Variants in PPP2R3B observed in about 807,000 individuals in gnomAD.
The protein encoded by PPP2R3B is serine/threonine-protein phosphatase 2A regulatory subunit B'' subunit beta.
A neutral mutation model predicts 72.9 loss-of-function variants in PPP2R3B; 68 were observed. The observed-to-expected ratio is 0.93, with a 90% confidence interval of 0.77 to 1.14. The LOEUF (loss-of-function observed/expected upper bound fraction) is 1.14. Ranked by LOEUF, PPP2R3B falls within the 50% of genes most tolerant of loss-of-function variation. The probability of loss-of-function intolerance (pLI) is 0.00; values close to 1 mark genes in which losing one functional copy is unlikely to be tolerated. For synonymous variants in PPP2R3B, 466 were observed against 375.8 expected (o/e 1.24, Z -2.78); for missense variants, 1,018 against 842.0 (o/e 1.21, Z -2.59).
At position 376,458 on chromosome X, in the gene PPP2R3B, G is replaced by A. The variant is rs778281115; in HGVS notation, c.324+9910C>T. Among the ~76,000 whole-genome samples, 13 of 152,084 alleles carry A rather than the reference G, an allele frequency of 8.5e-5. No individual in the cohort carries two copies. In the East Asian group the frequency reaches 2.3e-3, roughly 27 times the overall value. On this transcript the variant is annotated intron_variant, in intron 1 of 12. Coordinates refer to ENST00000390665, the MANE Select transcript of PPP2R3B (RefSeq NM_013239.5). Reference sequence around the variant, plus strand: ...AGCCCCCATGGGGCCATCCACTACCGTGTACAGGGACGGGCCGTCCACAGT... The same window carrying A: ...AGCCCCCATGGGGCCATCCACTACCATGTACAGGGACGGGCCGTCCACAGT...
rs969857225 is a variant in PPP2R3B, at chrX:340,914, T to C, written c.1202A>G (p.Asp401Gly). Reference sequence around the variant, plus strand: ...GGACAGGGCGCCGTCCCCGTCCAGGTCCATGCAGCGGAACCAGTACTCGAT... The same window carrying C: ...GGACAGGGCGCCGTCCCCGTCCAGGCCCATGCAGCGGAACCAGTACTCGAT... The part of the protein sequence containing the change: ...TSIEYWFRCM[D>G]LDGDGALSMF... Residue 401 changes from aspartate (D) to glycine (G), a missense_variant, in exon 10 of 13, where the codon GAC (aspartate) becomes GGC (glycine). Asp to Gly is a moderately conservative substitution (Grantham distance 94). Transcript: ENST00000390665. 4 of 1,611,424 alleles carry C rather than the reference T, an allele frequency of 2.5e-6. No homozygotes were observed. The African/African-American group carries it at 5.3e-5, about 22-fold the overall frequency.
chrX:370,147 C>T (rs1385552985), intron 1 of PPP2R3B, among the ~76,000 whole-genome samples: 1 of 152,186 alleles, frequency 6.6e-6, no homozygotes, highest in Non-Finnish European at 1.5e-5. Context: ...TCGGTGTTTA[C>T]ACAGAGGAGC....
chrX:361,314 T>C (rs1432309481), intron 2 of PPP2R3B, 91 bp downstream of exon 2: 1 of 1,440,724 alleles, frequency 6.9e-7, no homozygotes, highest in African/African-American at 1.4e-5. Flanking sequence ...CTCACGCTCG[T>C]GTGACACGCA....
rs757996639 is a variant in PPP2R3B at position 357,621 on chromosome X, C to T, written c.510+3784G>A. ...GTAAATCGTACAAGACAAGGAAAAG[C>T]TTTAGAGCAAGAAATTTCTAAGTTA... On this transcript the variant is annotated intron_variant, in intron 2 of 12. Coordinates refer to ENST00000390665, the MANE Select transcript of PPP2R3B (RefSeq NM_013239.5). 8.5e-5 allele frequency among the ~76,000 whole-genome samples: 13 copies of T among 152,218 alleles called. No homozygotes were observed. The South Asian group carries it at 2.7e-3, about 32-fold the overall frequency.
intron 7 of PPP2R3B, among the ~76,000 whole-genome samples, chrX:344,239 CCGGAGTGAGACCTCACCAAGGAG>C: frequency 9.6e-6 from 1 of 104,330 alleles, no homozygotes; most frequent in East Asian, 3.0e-4. Flanking sequence ...CAACGGGAGG[CCGGAGTGAGACCTCACCAAGGAG>C]AGGCGGGAGT....
intron 8 of PPP2R3B, 172 bp downstream of exon 8, chrX:341,709 ACC>A (rs35670106): frequency 4.9e-5 from 35 of 721,138 alleles, no homozygotes; most frequent in East Asian, 1.9e-4. Flanking sequence ...GTCTTGTGCC[ACC>A]CCCCCCCACT....
At chrX:381,041 CCT>C (rs1378038318) in intron 1 of PPP2R3B, among the ~76,000 whole-genome samples, 1 of 151,862 alleles carries the variant, frequency 6.6e-6, no homozygotes, top group African/African-American at 2.4e-5. Context: ...GATCTTCCTG[CCT>C]CAGCCTCACA....
intron 1 of PPP2R3B, among the ~76,000 whole-genome samples, chrX:371,260 G>T (rs28671022): frequency 6.6e-6 from 1 of 151,856 alleles, no homozygotes; most frequent in Non-Finnish European, 1.5e-5. Flanking sequence ...ATCGTCACAC[G>T]GGAGCCTCCC....
intron 2 of PPP2R3B, among the ~76,000 whole-genome samples, chrX:355,623 A>G (rs2071420005): frequency 6.6e-6 from 1 of 152,154 alleles, no homozygotes; most frequent in African/African-American, 2.4e-5. Context: ...ACGCACATGG[A>G]ACACCGTGCT....
intron 1 of PPP2R3B, among the ~76,000 whole-genome samples, chrX:363,159 C>T (rs1309614701): frequency 4.6e-5 from 7 of 151,900 alleles, no homozygotes; most frequent in Non-Finnish European, 8.8e-5. Context: ...GGGCACACCC[C>T]TTCCCTGTGA....
intron 2 of PPP2R3B, among the ~76,000 whole-genome samples, chrX:356,579 C>T (rs1232782067): frequency 6.6e-6 from 1 of 152,174 alleles, no homozygotes; most frequent in Non-Finnish European, 1.5e-5. Context: ...AGGCAGAGCT[C>T]ACCTCTGCGG....
chrX:384,657 T>G (rs1310699970), intron 1 of PPP2R3B, among the ~76,000 whole-genome samples: 1 of 152,004 alleles, frequency 6.6e-6, no homozygotes, highest in African/African-American at 2.4e-5. Flanking sequence ...ACCCCTCTGT[T>G]CCACCAGCCG....
chrX:364,684 C>G (rs1273211514), intron 1 of PPP2R3B, among the ~76,000 whole-genome samples: 2 of 89,682 alleles, frequency 2.2e-5, no homozygotes, highest in Non-Finnish European at 4.2e-5. Flanking sequence ...CACCACTGCA[C>G]TCCAGCCTGG....
chrX:344,082 GGGAGACC>G, intron 7 of PPP2R3B, among the ~76,000 whole-genome samples: 1 of 147,518 alleles, frequency 6.8e-6, no homozygotes, highest in Non-Finnish European at 1.5e-5. Context: ...GGAGGCGGGA[GGGAGACC>G]TCACCAACGG....
chrX:347,156 C>G, intron 4 of PPP2R3B, 78 bp downstream of exon 4: 1 of 80,488 alleles, frequency 1.2e-5, no homozygotes, highest in Non-Finnish European at 2.1e-5. Context: ...TAGACGCCGG[C>G]CCTCCCATGA....
intron 2 of PPP2R3B, among the ~76,000 whole-genome samples, chrX:350,427 G>C (rs2071305762): frequency 6.6e-6 from 1 of 152,220 alleles, no homozygotes; most frequent in South Asian, 2.1e-4. Context: ...CCGGCACGGT[G>C]AACACCATGA....
intron 1 of PPP2R3B, among the ~76,000 whole-genome samples, chrX:363,337 AGCCCACCATCCCGCAGTGCATCTCTCCG>A (rs2071587357): frequency 4.3e-4 from 1 of 2,320 alleles, no homozygotes; most frequent in African/African-American, 1.1e-3. Context: ...CATCTCCCCG[AGCCCACCATCCCGCAGTGCATCTCTCCG>A]AGCCCACCAT....
chrX:338,878 T>C lies in PPP2R3B; in HGVS notation c.1370A>G (p.Asp457Gly). The stretch of plus-strand genomic sequence containing the variant: ...GTTAGCCAGCTTGCAGCGCTTCAGG[T>C]CCTGCAGCGTGATCTTCCCTGCGGG... ...PRTEGKITLQ[D>G]LKRCKLANVF... The change falls in exon 11 of 13, where the codon GAC becomes GGC. Residue 457 changes from aspartate (D) to glycine (G), a missense_variant. Asp to Gly is a moderately conservative substitution (Grantham distance 94, BLOSUM62 -1). Coordinates refer to ENST00000390665, the MANE Select transcript of PPP2R3B (RefSeq NM_013239.5). The C allele has an allele frequency of 6.2e-7, 1 of 1,612,204 alleles. No individual in the cohort carries two copies. The highest frequency in any genetic ancestry group is 8.5e-7 in the Non-Finnish European group (1 of 1,179,532).
Position 361,592 on chromosome X carries a change from T to A in PPP2R3B, c.325-2A>T, listed in dbSNP as rs1556196120. 17 of 1,613,482 alleles carry A rather than the reference T, an allele frequency of 1.1e-5. No homozygotes were observed. The South Asian group carries it at 1.3e-4, about 13-fold the overall frequency. On this transcript the variant is annotated splice_acceptor_variant, in intron 1 of 12. Transcript: ENST00000390665. LOFTEE classifies it high-confidence loss of function. ...AGGCTCTTCTTTCCGTGTCTGAACC[T>A]GAAGAGTCGACAGACAGCGCTCAGT...
Sources: gnomAD v4.1 joint callset for allele counts (sites outside exome capture counted in the v4.1 genomes callset) on GRCh38, gnomAD v4.1.1 for gene constraint, MANE v1.5 for transcripts, NCBI Gene and HGNC (gene_info 2026-07-23, HGNC 2026-07-21) for gene names.